The following MORN5 variants were observed in gnomAD, a reference collection of about 807,000 sequenced individuals.
The protein encoded by MORN5 is MORN repeat-containing protein 5.
MORN5 carries 21 observed loss-of-function variants against 22.1 expected under a neutral mutation model. That is an observed-to-expected ratio of 0.95 (90% CI 0.67 to 1.37). MORN5 has a LOEUF of 1.37. MORN5 is among the 40% of genes most tolerant of loss of function. The pLI is 0.00. For missense variants in MORN5, 211 were observed against 215.1 expected, an observed-to-expected ratio of 0.98 and a Z score of 0.12; for synonymous variants, 73 against 74.0, an observed-to-expected ratio of 0.99 and a Z score of 0.07.
intron 4 of MORN5, among the ~76,000 whole-genome samples, chr9:122,190,658 T>A (rs998645514): frequency 1.2e-4 from 18 of 152,262 alleles, no homozygotes; most frequent in African/African-American, 4.3e-4. Flanking sequence ...TGCTCTTCTA[T>A]GGGGAAAAGC....
At chr9:122,174,405 A>T (rs773863530) in intron 3 of MORN5, 91 bp from the exon 4 acceptor site, 330 of 1,466,096 alleles carry the variant, frequency 2.3e-4, no homozygotes, top group Admixed American at 5.0e-4. Context: ...AGATAGTCAC[A>T]TGAGCCACCA....
chr9:122,160,543 T>C (rs1431477611), intron 1 of MORN5, among the ~76,000 whole-genome samples: 1 of 134,378 alleles, frequency 7.4e-6, no homozygotes, highest in Non-Finnish European at 1.5e-5. Flanking sequence ...TTCTTTTCTT[T>C]TCCTTCCTTC....
chr9:122,198,485 G>C (rs1829943353), intron 4 of MORN5, among the ~76,000 whole-genome samples: 1 of 152,188 alleles, frequency 6.6e-6, no homozygotes. Flanking sequence ...AGGAGAACTG[G>C]TTAAAGGCAG....
chr9:122,166,675 G>A, intron 1 of MORN5, 93 bp from the exon 2 acceptor site: 4 of 1,203,910 alleles, frequency 3.3e-6, no homozygotes, highest in Non-Finnish European at 4.7e-6. Flanking sequence ...GGATGAGAAT[G>A]CTGAGAACGG....
chr9:122,169,910 G>A (rs1243046942), intron 3 of MORN5, among the ~76,000 whole-genome samples, 154 bp downstream of exon 3: 2 of 152,218 alleles, frequency 1.3e-5, no homozygotes, highest in African/African-American at 4.8e-5. Context: ...CCTGGAGCCA[G>A]GAAGGCCAGT....
Position 122,169,819 on chromosome 9 carries a change from A to G in MORN5, c.307+63A>G, listed in dbSNP as rs1371149668. The G allele has an allele frequency of 1.5e-5, 16 of 1,101,948 alleles. No individual in the cohort carries two copies. In the East Asian group the frequency reaches 3.1e-4, roughly 21 times the overall value. 68.3% of individuals were successfully genotyped at this position (1,101,948 alleles called of 1,614,324 possible). On this transcript the variant is annotated intron_variant, in intron 3 of 4. Coordinates refer to ENST00000373764, the MANE Select transcript of MORN5 (RefSeq NM_198469.4). ...GAGAGGGAAACTAAGACAGTTTCGG[A>G]TAAGTGGACTGTGTCCTACTAAAGT...
At chr9:122,176,048 G>A (rs947117648) in intron 4 of MORN5, among the ~76,000 whole-genome samples, 1 of 151,452 alleles carries the variant, frequency 6.6e-6, no homozygotes, top group Non-Finnish European at 1.5e-5. Flanking sequence ...AACCCGGGAG[G>A]CGGAGCTTGC....
chr9:122,188,575 C>T (rs889656575), intron 4 of MORN5, among the ~76,000 whole-genome samples: 4 of 152,264 alleles, frequency 2.6e-5, no homozygotes, highest in Non-Finnish European at 4.4e-5. Context: ...CCAAAAGAAG[C>T]AGAGGGTCAA....
intron 2 of MORN5, among the ~76,000 whole-genome samples, chr9:122,167,696 C>T (rs74614785): frequency 0.016 from 2,461 of 152,240 alleles, 30 homozygotes; most frequent in Non-Finnish European, 0.024. Context: ...CAGTTAGTTG[C>T]ATTAGTTATG....
rs750487592 is a variant in MORN5, at chr9:122,174,544, G to T, written c.356G>T (p.Gly119Val). The T allele has an allele frequency of 1.2e-6, 2 of 1,614,106 alleles. No individual in the cohort carries two copies. Among genetic ancestry groups the T allele is most frequent in the East Asian group, 4.5e-5 (2 of 44,878 alleles). Residue 119 changes from glycine (G) to valine (V), a missense_variant, in exon 4 of 5, where the codon GGC (glycine) becomes GTC (valine). Gly to Val is a moderately radical substitution (Grantham distance 109, BLOSUM62 -3). Transcript: ENST00000373764. ...NMDPPRKIPK[G>V]YYDCGDGFYN... ...GACCCACCTAGAAAAATCCCCAAGG[G>T]CTATTACGATTGTGGAGACGGCTTC...
chr9:122,165,585 C>A (rs1448166154), intron 1 of MORN5, among the ~76,000 whole-genome samples: 1 of 151,770 alleles, frequency 6.6e-6, no homozygotes, highest in East Asian at 1.9e-4. Flanking sequence ...GGGAAAAAAA[C>A]AAAAAACAAA....
At chr9:122,172,556 G>C (rs1435304146) in intron 3 of MORN5, among the ~76,000 whole-genome samples, 2 of 152,022 alleles carry the variant, frequency 1.3e-5, no homozygotes, top group African/African-American at 4.8e-5. Flanking sequence ...CCGTACTTCA[G>C]TTCTCAGCTC....
intron 2 of MORN5, among the ~76,000 whole-genome samples, chr9:122,169,075 C>T (rs530826863): frequency 8.8e-4 from 134 of 152,258 alleles, no homozygotes; most frequent in African/African-American, 3.1e-3. Context: ...AGGGAATTGG[C>T]GCTTCCTCTG....
intron 1 of MORN5, 99 bp from the exon 2 acceptor site, chr9:122,166,669 G>A (rs928935903): frequency 2.6e-6 from 3 of 1,142,916 alleles, no homozygotes; most frequent in African/African-American, 3.1e-5. Context: ...TGAGAAGGAT[G>A]AGAATGCTGA....
At chr9:122,162,515 G>A in intron 1 of MORN5, among the ~76,000 whole-genome samples, 1 of 152,096 alleles carries the variant, frequency 6.6e-6, no homozygotes, top group Non-Finnish European at 1.5e-5. Flanking sequence ...ACAAAGACAT[G>A]TATACAAGTA....
At chr9:122,164,327 C>T (rs912963305) in intron 1 of MORN5, among the ~76,000 whole-genome samples, 2 of 152,110 alleles carry the variant, frequency 1.3e-5, no homozygotes, top group Non-Finnish European at 2.9e-5. Flanking sequence ...GCTCAGAGCT[C>T]ACTGCAGTTG....
chr9:122,177,070 G>C (rs1051154122), intron 4 of MORN5, among the ~76,000 whole-genome samples: 2 of 152,214 alleles, frequency 1.3e-5, no homozygotes, highest in Non-Finnish European at 2.9e-5. Context: ...GGACCCCCCA[G>C]GACCTGCAAC....
At chr9:122,199,751 C>T in intron 4 of MORN5, 134 bp from the exon 5 acceptor site, 1 of 791,830 alleles carries the variant, frequency 1.3e-6, no homozygotes. Context: ...AGGTCTGTTC[C>T]TCCCCACACA....
In MORN5 at chr9:122,176,613, C is replaced by A. The variant is rs547302143; in HGVS notation, c.439+1986C>A. On this transcript the variant is annotated intron_variant, in intron 4 of 4. Transcript: ENST00000373764. Reference sequence around the variant, plus strand: ...AATGGAAAGAGGCAGGACGCCGTGGCTCATGCCTGTAATCCCAGCACTTTG... The same window carrying A: ...AATGGAAAGAGGCAGGACGCCGTGGATCATGCCTGTAATCCCAGCACTTTG... Among the ~76,000 whole-genome samples, 48 of 152,320 alleles carry A rather than the reference C, an allele frequency of 3.2e-4. 1 individual carries two copies. The East Asian group carries it at 6.4e-3, about 20-fold the overall frequency.
Sources: allele counts gnomAD v4.1 joint callset (sites outside exome capture counted in the v4.1 genomes callset), GRCh38; gene constraint gnomAD v4.1.1; transcripts MANE v1.5; gene names NCBI Gene and HGNC (gene_info 2026-07-23, HGNC 2026-07-21).